CIB1: variants seen among roughly 807,000 people sequenced by gnomAD.
The protein encoded by CIB1 is calcium and integrin binding 1, also known as calcium and integrin-binding protein 1.
Under a neutral mutation model 25.0 loss-of-function variants are expected in CIB1, and 19 were observed. That is an observed-to-expected ratio of 0.76 (90% confidence interval 0.53 to 1.12). The LOEUF is 1.12. Among genes scored for constraint, CIB1 ranks in the 50% most tolerant of loss-of-function variants. The probability of loss-of-function intolerance (pLI) is 0.00; values close to 1 mark genes in which losing one functional copy is unlikely to be tolerated. For synonymous variants in CIB1, 104 were observed against 98.5 expected (o/e 1.06, Z -0.33); for missense variants, 236 against 242.6 (o/e 0.97, Z 0.18).
upstream of CIB1, among the ~76,000 whole-genome samples, chr15:90,238,787 C>T (rs367627829): frequency 1.3e-5 from 2 of 152,280 alleles, no homozygotes; most frequent in East Asian, 1.9e-4. Context: ...AAGAAGTGGT[C>T]ATCTTTGAAA....
At chr15:90,254,573 GCT>G in the CIB1 span, among the ~76,000 whole-genome samples, 40,486 of 150,602 alleles carry the variant, frequency 0.27, 6,387 homozygotes, top group East Asian at 0.69. Context: ...GTGGACGGTG[GCT>G]CTCGTGCCTG....
chr15:90,231,117 T>A lies in CIB1; in HGVS notation c.443A>T (p.Glu148Val). The A allele has an allele frequency of 6.2e-7, 1 of 1,614,148 alleles. No homozygotes were observed. The highest frequency in any genetic ancestry group is 1.1e-5 in the South Asian group (1 of 91,084). Residue 148 changes from glutamate (E) to valine (V), a missense_variant, in exon 5 of 7, where the codon GAG becomes GTG. By Grantham distance (121) the Glu-to-Val change is moderately radical. Transcript: ENST00000328649. ...EGEDTRLSAS[E>V]MKQLIDNILE... ...CACGTTGTCGATGAGCTGCTTCATC[T>A]CAGACGCACTAAGCCGTGTGTCCTC...
At chr15:90,247,320 A>C in the CIB1 span, among the ~76,000 whole-genome samples, 2 of 139,200 alleles carry the variant, frequency 1.4e-5, no homozygotes, top group Non-Finnish European at 3.0e-5. Context: ...TTTTTAAGAG[A>C]GAGAGTCTCG....
At chr15:90,242,132 G>A in the CIB1 span, 20 of 1,342,746 alleles carry the variant, frequency 1.5e-5, 1 homozygote, top group South Asian at 2.6e-4. Context: ...TCTGTCCCCA[G>A]GCTAGAGTGT....
chr15:90,247,656 T>C, the CIB1 span, among the ~76,000 whole-genome samples: 3 of 151,746 alleles, frequency 2.0e-5, 1 homozygote, highest in African/African-American at 7.3e-5. Context: ...TGTAGCACTC[T>C]ATACATTTGC....
At chr15:90,248,718 CAAAAAAAAAAAAAAAAAAAA>C in the CIB1 span, among the ~76,000 whole-genome samples, 394 of 27,774 alleles carry the variant, frequency 0.014, 8 homozygotes, top group Non-Finnish European at 0.022. Flanking sequence ...GACCCTGTCT[CAAAAAAAAAAAAAAAAAAAA>C]AAAAAAAAAA....
the CIB1 span, chr15:90,258,471 C>G: frequency 1.3e-5 from 8 of 628,078 alleles, no homozygotes; most frequent in Non-Finnish European, 1.9e-5. Flanking sequence ...TGGCCTCTAC[C>G]GTAGGAATGC....
rs1962509264 is a variant in CIB1 at position 90,232,207 on chromosome 15, G to A, written c.195+12C>T. 1 of 1,600,286 alleles carries A rather than the reference G, an allele frequency of 6.2e-7. No homozygotes were observed. On this transcript the variant is annotated intron_variant, in intron 3 of 6. Coordinates refer to ENST00000328649, the MANE Select transcript of CIB1 (RefSeq NM_006384.4). Reference sequence around the variant, plus strand: ...TGGTGGGAGAGGTGTCAAAGGAGGGGAGCGCTTGCACCTTGAGCTCTGGAA... The same window carrying A: ...TGGTGGGAGAGGTGTCAAAGGAGGGAAGCGCTTGCACCTTGAGCTCTGGAA...
the CIB1 span, chr15:90,262,061 G>A: frequency 6.5e-7 from 1 of 1,535,864 alleles, no homozygotes; most frequent in Non-Finnish European, 8.7e-7. Flanking sequence ...ACGATATGAG[G>A]ATTCTCACCT....
the CIB1 span, among the ~76,000 whole-genome samples, chr15:90,247,461 T>C: frequency 3.3e-5 from 5 of 151,272 alleles, no homozygotes; most frequent in Non-Finnish European, 7.4e-5. Context: ...GAGAGTATCA[T>C]ATGCTGAGGA....
At chr15:90,250,627 G>C in the CIB1 span, 12 of 1,611,298 alleles carry the variant, frequency 7.4e-6, no homozygotes, top group African/African-American at 1.5e-4. Context: ...CAGAATCTGA[G>C]AGAATGGAGC....
chr15:90,239,768 G>C, the CIB1 span, among the ~76,000 whole-genome samples: 3 of 152,216 alleles, frequency 2.0e-5, no homozygotes, highest in Admixed American at 2.0e-4. Flanking sequence ...GACTGCAATG[G>C]TGCGATCTCG....
At chr15:90,264,854 T>C in the CIB1 span, 3 of 1,536,054 alleles carry the variant, frequency 2.0e-6, no homozygotes, top group Non-Finnish European at 1.7e-6. Context: ...TGAATGCACC[T>C]TGCCCTCCAT....
the CIB1 span, chr15:90,257,827 A>G: frequency 5.0e-6 from 6 of 1,194,608 alleles, no homozygotes; most frequent in Non-Finnish European, 7.3e-6. Context: ...GCCCAGGGAA[A>G]CTCAGCCTTT....
At chr15:90,242,431 CTTTTTTTTTTTTTTTT>C in the CIB1 span, 6 of 65,510 alleles carry the variant, frequency 9.2e-5, no homozygotes, top group East Asian at 3.0e-4. Flanking sequence ...TTTTCTGTTT[CTTTTTTTTTTTTTTTT>C]TTTTTTTTTT....
chr15:90,241,567 A>C, the CIB1 span: 1 of 1,613,320 alleles, frequency 6.2e-7, no homozygotes, highest in Non-Finnish European at 8.5e-7. Flanking sequence ...CTCCACCTGC[A>C]TGGCTATTAC....
chr15:90,255,743 G>A, the CIB1 span: 5 of 1,613,990 alleles, frequency 3.1e-6, no homozygotes, highest in Admixed American at 1.7e-5. Flanking sequence ...ATACTAACTG[G>A]CTGTGTTTCA....
At chr15:90,258,426 C>G in the CIB1 span, 1 of 693,524 alleles carries the variant, frequency 1.4e-6, no homozygotes, top group Non-Finnish European at 2.4e-6. Context: ...AGATCTCTAC[C>G]CTTTTGACCT....
At chr15:90,250,312 G>T in the CIB1 span, among the ~76,000 whole-genome samples, 1 of 152,144 alleles carries the variant, frequency 6.6e-6, no homozygotes, top group Admixed American at 6.5e-5. Flanking sequence ...AAGAGCCATG[G>T]TCATGGCCCA....
Sources: gnomAD v4.1 joint callset for allele counts (sites outside exome capture counted in the v4.1 genomes callset) on GRCh38, gnomAD v4.1.1 for gene constraint, MANE v1.5 for transcripts, NCBI Gene and HGNC (gene_info 2026-07-23, HGNC 2026-07-21) for gene names.